The following IDUA variants were observed in gnomAD, a reference collection of about 807,000 sequenced individuals.
IDUA encodes alpha-L-iduronidase, also known as iduronidase alpha-L-.
In IDUA, 65 loss-of-function variants were observed where a neutral mutation model predicts 68.9. The ratio of observed to expected loss-of-function variants is 0.94; its 90% CI spans 0.77 to 1.16. IDUA has a LOEUF of 1.16. Among genes scored for constraint, IDUA ranks in the 50% most tolerant of loss-of-function variants. The probability of loss-of-function intolerance (pLI) is 0.00; values close to 1 mark genes in which losing one functional copy is unlikely to be tolerated. For synonymous variants in IDUA, 529 were observed against 433.6 expected (o/e 1.22, Z -2.73); for missense variants, 1,046 against 938.0 (o/e 1.12, Z -1.50).
At chr4:988,616 G>C (rs1395283599) in intron 2 of IDUA, 1 of 1,371,818 alleles carries the variant, frequency 7.3e-7, no homozygotes, top group African/African-American at 1.5e-5. Flanking sequence ...AGCCTGTCTC[G>C]GAGGCAGAGG....
chr4:998,159 C>T (rs1030022856), intron 2 of IDUA, among the ~76,000 whole-genome samples: 1 of 152,156 alleles, frequency 6.6e-6, no homozygotes, highest in African/African-American at 2.4e-5. Context: ...GGGTGGACCC[C>T]AGGGACTCCT....
intron 2 of IDUA, chr4:989,463 A>G: frequency 1.3e-6 from 2 of 1,554,004 alleles, no homozygotes; most frequent in Non-Finnish European, 1.7e-6. Flanking sequence ...GGATGACGCC[A>G]GCCAGCAGCC....
In IDUA at chr4:1,001,790, G is replaced by T; in HGVS notation, c.701G>T (p.Ser234Ile). 1 of 1,604,114 alleles carries T rather than the reference G, an allele frequency of 6.2e-7. No homozygotes were observed. The highest frequency in any genetic ancestry group is 2.2e-5 in the East Asian group (1 of 44,590). Reference sequence around the variant, plus strand: ...CACACCCCACCGCGATCCCCGCTGAGCTGGGGCCTCCTGCGCCACTGCCAC... The same window carrying T: ...CACACCCCACCGCGATCCCCGCTGATCTGGGGCCTCCTGCGCCACTGCCAC... ...SFHTPPRSPL[S>I]WGLLRHCHDG... is the part of the protein sequence containing the mutation. The change falls in exon 6 of 14, where the codon AGC becomes ATC. Residue 234 changes from serine to isoleucine, a missense_variant. Ser to Ile is a moderately radical substitution (Grantham distance 142). Coordinates refer to ENST00000514224, the MANE Select transcript of IDUA (RefSeq NM_000203.5).
intron 2 of IDUA, 115 bp downstream of exon 2, chr4:988,064 C>G: frequency 6.8e-7 from 1 of 1,472,728 alleles, no homozygotes; most frequent in Admixed American, 2.2e-5. Flanking sequence ...CGCCGAAGCA[C>G]CCTGTTGGGG....
Position 996,873 on chromosome 4 carries a change from G to A in IDUA, c.300-3739G>A, listed in dbSNP as rs73792062. Among the ~76,000 whole-genome samples the A allele has an allele frequency of 1.9e-3, 292 of 152,226 alleles. 4 individuals are homozygous for A. The highest frequency in any genetic ancestry group is 6.8e-3 in the African/African-American group (281 of 41,546). On this transcript the variant is annotated intron_variant, in intron 2 of 13. Transcript: ENST00000514224. ...CTACCCCGAGCCTGTGCACGCGCAG[G>A]GCTGCCAACACCTCCTTCCTTCCCC...
At chr4:991,241 G>A in intron 2 of IDUA, 1 of 1,611,910 alleles carries the variant, frequency 6.2e-7, no homozygotes, top group Non-Finnish European at 8.5e-7. Context: ...TTGGCTCCGG[G>A]CTGCAGGCCG....
Position 989,096 on chromosome 4 carries a change from C to T in IDUA, c.299+1147C>T, listed in dbSNP as rs369871590. 1.2e-5 allele frequency: 20 copies of T among 1,602,090 alleles called. No individual in the cohort carries two copies. Among genetic ancestry groups the T allele is most frequent in the East Asian group, 2.3e-5 (1 of 44,170 alleles). ...TCTAGGAACAGCAGCGGGGCGCAGT[C>T]GATGACCACTGTGTGGAAGCCGGCC... On this transcript the variant is annotated intron_variant, in intron 2 of 13. Coordinates refer to ENST00000514224, the MANE Select transcript of IDUA (RefSeq NM_000203.5).
At chr4:987,359 C>T (rs1713813908) in intron 1 of IDUA, 117 bp downstream of exon 1, 1 of 1,025,338 alleles carries the variant, frequency 9.8e-7, no homozygotes, top group South Asian at 1.6e-5. Context: ...GGCCCTGGCT[C>T]TCCCGGGCCC....
At chr4:990,034 GCCA>G (rs774614750) in intron 2 of IDUA, 7 of 1,596,142 alleles carry the variant, frequency 4.4e-6, no homozygotes, top group Non-Finnish European at 5.1e-6. Flanking sequence ...CACGAGTGTG[GCCA>G]CCACGATGAC....
chr4:1,004,084 G>A lies in IDUA; in HGVS notation c.1800G>A (p.Ser600=), dbSNP rs763047621. 4.7e-5 allele frequency: 76 copies of A among 1,612,616 alleles called. No individual in the cohort carries two copies. The highest frequency in any genetic ancestry group is 3.3e-4 in the South Asian group (30 of 91,022). Residue 600 remains serine (S), a synonymous_variant, in exon 13 of 14, where the codon TCG becomes TCA. Transcript: ENST00000514224. The surrounding 1 kb of genome is among the most constrained non-coding windows in gnomAD (Gnocchi z 5.0). ...KAYTPVSRKP[S]TFNLFVFSPD... Reference sequence around the variant, plus strand: ...ACACCCCGGTCAGCAGGAAGCCATCGACCTTCAACCTCTTTGTGTTCAGCC... The same window carrying A: ...ACACCCCGGTCAGCAGGAAGCCATCAACCTTCAACCTCTTTGTGTTCAGCC...
chr4:987,167 C>G lies in IDUA; in HGVS notation c.83C>G (p.Ala28Gly). 1 of 1,448,398 alleles carries G rather than the reference C, an allele frequency of 6.9e-7. No homozygotes were observed. Among genetic ancestry groups the G allele is most frequent in the Non-Finnish European group, 9.0e-7 (1 of 1,106,114 alleles). The allele number at this position is 1,448,398 out of a possible 1,614,324, so 89.7% of individuals were successfully genotyped here. Residue 28 changes from alanine (A) to glycine (G), a missense_variant, in exon 1 of 14, where the codon GCC (alanine) becomes GGC (glycine). Physicochemically the swap from Ala to Gly is moderately conservative, Grantham distance 60. Coordinates refer to ENST00000514224, the MANE Select transcript of IDUA (RefSeq NM_000203.5). The part of the protein sequence containing the change: ...LAAPPVAPAE[A>G]PHLVHVDAAR... The stretch of plus-strand genomic sequence containing the variant: ...GCGCCCCCGGTGGCCCCGGCCGAGG[C>G]CCCGCACCTGGTGCATGTGGACGCG...
rs1269229840 is a variant in IDUA, at chr4:1,000,985, C to T, written c.489C>T (p.Tyr163=). 3 of 1,609,604 alleles carry T rather than the reference C, an allele frequency of 1.9e-6. No individual in the cohort carries two copies. The highest frequency in any genetic ancestry group is 1.3e-5 in the African/African-American group (1 of 74,884). Reference sequence around the variant, plus strand: ...TGGTCTCCAGCCTGGCCAGGAGATACATCGGTGGGCGAGCGCAGGCCCTGG... The same window carrying T: ...TGGTCTCCAGCCTGGCCAGGAGATATATCGGTGGGCGAGCGCAGGCCCTGG... ...KDLVSSLARR[Y]IGRYGLAHVS... Residue 163 remains tyrosine (Y), a synonymous_variant, in exon 4 of 14, where the codon TAC becomes TAT. Coordinates refer to ENST00000514224, the MANE Select transcript of IDUA (RefSeq NM_000203.5).
chr4:1,003,380 C>T lies in IDUA; in HGVS notation c.1560C>T (p.Ala520=). 6.7e-7 allele frequency: 1 copy of T among 1,491,538 alleles called. No individual in the cohort carries two copies. The highest frequency in any genetic ancestry group is 8.8e-7 in the Non-Finnish European group (1 of 1,130,382). 92.4% of individuals were successfully genotyped at this position (1,491,538 alleles called of 1,614,324 possible). The change falls in exon 11 of 14, where the codon GCC becomes GCT. Residue 520 remains alanine (A), a synonymous_variant. Transcript: ENST00000514224. Reference sequence around the variant, plus strand: ...CCGCGGCGCCCCGCCCCTTACCCGCCGGCGGCCGCCTGACCCTGCGCCCCG... The same window carrying T: ...CCGCGGCGCCCCGCCCCTTACCCGCTGGCGGCCGCCTGACCCTGCGCCCCG... ...PVAAAPRPLP[A]GGRLTLRPAL...
intron 2 of IDUA, chr4:991,571 A>G: frequency 6.2e-7 from 1 of 1,602,838 alleles, no homozygotes; most frequent in Admixed American, 1.7e-5. Flanking sequence ...GCCCGGACGC[A>G]CAGCACACTG....
Position 1,002,713 on chromosome 4 carries a change from G to GA in IDUA, c.1190-19_1190-18insA. The GA allele has an allele frequency of 4.4e-6, 6 of 1,364,380 alleles. No individual in the cohort carries two copies. Among genetic ancestry groups the GA allele is most frequent in the Non-Finnish European group, 5.9e-6 (6 of 1,022,544 alleles). 84.5% of individuals were successfully genotyped at this position (1,364,380 alleles called of 1,614,324 possible). On this transcript the variant is annotated intron_variant, in intron 8 of 13. Coordinates refer to ENST00000514224, the MANE Select transcript of IDUA (RefSeq NM_000203.5). ...TGGGCAACGACCCCACGCGGCGACG[G>GA]CCCCCCCCCGCCCCGCAGATGAGGA...
Position 990,226 on chromosome 4 carries a change from C to T in IDUA, c.299+2277C>T, listed in dbSNP as rs200857252. The T allele has an allele frequency of 1.0e-4, 159 of 1,569,930 alleles. No homozygotes were observed. Among genetic ancestry groups the T allele is most frequent in the Non-Finnish European group, 1.3e-4 (148 of 1,158,546 alleles). On this transcript the variant is annotated intron_variant, in intron 2 of 13. Transcript: ENST00000514224. ...GACCACCATGCCGGGCCCCTGGTGC[C>T]GCGGGATCCGCACGCCCAGCAGGTG...
In IDUA at chr4:987,956, G is replaced by A. The variant is rs200911718; in HGVS notation, c.299+7G>A. The A allele has an allele frequency of 4.3e-3, 6,760 of 1,565,320 alleles. 32 individuals are homozygous for A. The highest frequency in any genetic ancestry group is 5.3e-3 in the Non-Finnish European group (6,117 of 1,155,180). On this transcript the variant is annotated splice_region_variant and intron_variant, in intron 2 of 13. Transcript: ENST00000514224. ...TGGAGCTTGTCACCACCAGGTGGGC[G>A]GCGGGCAGGGTCTGGGCGTCCCAGA...
In IDUA at chr4:1,001,823, C is replaced by A; in HGVS notation, c.734C>A (p.Thr245Asn). The change falls in exon 6 of 14, where the codon ACC becomes AAC. Residue 245 changes from threonine (T) to asparagine (N), a missense_variant. Physicochemically the swap from Thr to Asn is moderately conservative, Grantham distance 65 (BLOSUM62 0). Coordinates refer to ENST00000514224, the MANE Select transcript of IDUA (RefSeq NM_000203.5). Reference protein sequence around the residue: ...WGLLRHCHDGTNFFTGEAGVR... With the variant: ...WGLLRHCHDGNNFFTGEAGVR... ...CTCCTGCGCCACTGCCACGACGGTA[C>A]CAACTTCTTCACTGGGGAGGCGGGC... 1 of 1,605,508 alleles carries A rather than the reference C, an allele frequency of 6.2e-7. No individual in the cohort carries two copies. Among genetic ancestry groups the A allele is most frequent in the Non-Finnish European group, 8.5e-7 (1 of 1,177,512 alleles).
chr4:1,004,453 C>T lies in IDUA; in HGVS notation c.*60C>T. ...CGGCAGTCAGCGAGCTGGGGCTGCA[C>T]TGTGCCCATGCTGCCCTCCCATCAC... On this transcript the variant is annotated 3_prime_UTR_variant, in exon 14 of 14. Transcript: ENST00000514224. The surrounding 1 kb of genome is among the most constrained non-coding windows in gnomAD (Gnocchi z 5.0). 1 of 1,555,588 alleles carries T rather than the reference C, an allele frequency of 6.4e-7. No individual in the cohort carries two copies. The highest frequency in any genetic ancestry group is 8.8e-7 in the Non-Finnish European group (1 of 1,136,442).
Sources: allele counts gnomAD v4.1 joint callset (sites outside exome capture counted in the v4.1 genomes callset), GRCh38; gene constraint gnomAD v4.1.1; non-coding constraint Gnocchi (gnomAD v3.1); transcripts MANE v1.5; gene names NCBI Gene and HGNC (gene_info 2026-07-23, HGNC 2026-07-21).